Variants in ANKS1B observed in about 807,000 individuals in gnomAD.
The protein encoded by ANKS1B is ankyrin repeat and sterile alpha motif domain-containing protein 1B.
ANKS1B carries 36 observed loss-of-function variants against 148.3 expected under a neutral mutation model. The ratio of observed to expected loss-of-function variants is 0.24; its 90% CI spans 0.19 to 0.32. The LOEUF is 0.32. Among genes scored for constraint, ANKS1B ranks in the 10% least tolerant of loss-of-function variants. ANKS1B has a pLI of 1.00. For missense variants in ANKS1B, 1,157 were observed against 1,542.6 expected (o/e 0.75, Z 4.19); for synonymous variants, 542 against 560.8 (o/e 0.97, Z 0.47).
At chr12:99,191,726 G>A (rs2080732132) in intron 14 of ANKS1B, among the ~76,000 whole-genome samples, 1 of 152,136 alleles carries the variant, frequency 6.6e-6, no homozygotes, top group Non-Finnish European at 1.5e-5. Flanking sequence ...ATAGCATTAG[G>A]AGAAATACCT....
chr12:99,567,450 C>T (rs545598218), intron 9 of ANKS1B, among the ~76,000 whole-genome samples: 8 of 152,022 alleles, frequency 5.3e-5, no homozygotes, highest in African/African-American at 7.2e-5. Flanking sequence ...AAGAGCCCCC[C>T]GACACACACA....
intron 17 of ANKS1B, among the ~76,000 whole-genome samples, chr12:98,949,110 AC>A (rs1251170157): frequency 4.0e-5 from 6 of 151,084 alleles, no homozygotes; most frequent in African/African-American, 1.5e-4. Context: ...GTGCCAACAC[AC>A]CCAGCTAATT....
intron 12 of ANKS1B, among the ~76,000 whole-genome samples, chr12:99,368,229 G>A (rs2092891307): frequency 2.0e-5 from 3 of 152,106 alleles, no homozygotes; most frequent in Admixed American, 2.0e-4. Context: ...ACTACTAGAG[G>A]AGGAGGGTGG....
intron 12 of ANKS1B, among the ~76,000 whole-genome samples, chr12:99,336,455 C>T (rs141940118): frequency 3.3e-5 from 5 of 152,150 alleles, no homozygotes; most frequent in African/African-American, 1.2e-4. Context: ...GTTGAATGTC[C>T]TGGAGTGTTT....
chr12:98,755,269 G>C (rs2098207628), intron 25 of ANKS1B, among the ~76,000 whole-genome samples: 1 of 152,192 alleles, frequency 6.6e-6, no homozygotes, highest in Non-Finnish European at 1.5e-5. Flanking sequence ...CATGTACGAG[G>C]AGACTCTACC....
At chr12:99,977,769 T>C (rs915741603) in intron 1 of ANKS1B, among the ~76,000 whole-genome samples, 2 of 152,196 alleles carry the variant, frequency 1.3e-5, no homozygotes, top group Non-Finnish European at 1.5e-5. Flanking sequence ...TGTCCTCACA[T>C]GCATGAGAAA....
intron 11 of ANKS1B, among the ~76,000 whole-genome samples, chr12:99,432,017 G>A (rs1291853138): frequency 6.6e-6 from 1 of 152,154 alleles, no homozygotes; most frequent in Non-Finnish European, 1.5e-5. Context: ...CATGGGTATG[G>A]AGTAATTCCC....
chr12:99,294,717 G>C (rs1433714601), intron 12 of ANKS1B, among the ~76,000 whole-genome samples: 1 of 151,828 alleles, frequency 6.6e-6, no homozygotes, highest in African/African-American at 2.4e-5. Flanking sequence ...GCAATGGCGC[G>C]ATCTTGGCTC....
chr12:99,461,164 G>A (rs1309508095), intron 10 of ANKS1B, among the ~76,000 whole-genome samples: 1 of 151,886 alleles, frequency 6.6e-6, no homozygotes, highest in African/African-American at 2.4e-5. Context: ...TTATTCTAAG[G>A]GAAGTAACTC....
Position 99,330,400 on chromosome 12 carries a change from C to T in ANKS1B, c.1756+69231G>A, listed in dbSNP as rs150920353. Among the ~76,000 whole-genome samples, 6 of 151,904 alleles carry T rather than the reference C, an allele frequency of 3.9e-5. No individual in the cohort carries two copies. In the East Asian group the frequency reaches 1.2e-3, roughly 29 times the overall value. ...CCAGGAAATGCAGTTTAGATATGGCCCTGCCATCTTTCCAGAACTTGATTT... is the reference window on the plus strand; with the variant it reads ...CCAGGAAATGCAGTTTAGATATGGCTCTGCCATCTTTCCAGAACTTGATTT... On this transcript the variant is annotated intron_variant, in intron 12 of 26. Transcript: ENST00000683438.
At position 99,373,885 on chromosome 12, in the gene ANKS1B, T is replaced by G. The variant is rs578178844; in HGVS notation, c.1756+25746A>C. On this transcript the variant is annotated intron_variant, in intron 12 of 26. Coordinates refer to ENST00000683438, the MANE Select transcript of ANKS1B (RefSeq NM_001352186.2). ...GTAGAGAACTTTGCCTAAGAATGACTTAGAACTTTGGTCCACTTCAAGGAA... is the reference window on the plus strand; with the variant it reads ...GTAGAGAACTTTGCCTAAGAATGACGTAGAACTTTGGTCCACTTCAAGGAA... Among the ~76,000 whole-genome samples, 9 of 152,276 alleles carry G rather than the reference T, an allele frequency of 5.9e-5. No homozygotes were observed. In the East Asian group the frequency reaches 1.7e-3, roughly 29 times the overall value.
At chr12:99,199,694 T>C (rs1230334017) in intron 14 of ANKS1B, among the ~76,000 whole-genome samples, 1 of 152,124 alleles carries the variant, frequency 6.6e-6, no homozygotes, top group Non-Finnish European at 1.5e-5. Context: ...AAATATACCT[T>C]TTTGGGCCTC....
chr12:99,185,982 G>C (rs1181454775), intron 14 of ANKS1B, among the ~76,000 whole-genome samples: 1 of 152,176 alleles, frequency 6.6e-6, no homozygotes, highest in East Asian at 1.9e-4. Flanking sequence ...AGCAAGCTAA[G>C]ATCCACTGGC....
chr12:98,818,050 A>T (rs948238528), intron 19 of ANKS1B, among the ~76,000 whole-genome samples: 2 of 152,122 alleles, frequency 1.3e-5, no homozygotes, highest in Admixed American at 1.3e-4. Flanking sequence ...CACTGGCATG[A>T]TATAAATTCT....
intron 14 of ANKS1B, among the ~76,000 whole-genome samples, chr12:99,171,561 T>A (rs1226563099): frequency 6.6e-6 from 1 of 152,208 alleles, no homozygotes; most frequent in East Asian, 1.9e-4. Context: ...AGGCCTTGCA[T>A]TTTATTTCTA....
chr12:99,755,594 CAAA>C (rs369571107), intron 8 of ANKS1B, among the ~76,000 whole-genome samples: 51,667 of 123,280 alleles, frequency 0.42, 9,964 homozygotes, highest in East Asian at 0.57. Context: ...CAAAAATCCT[CAAA>C]AAAAAAAAAA....
chr12:99,679,663 G>A (rs1186242787), intron 8 of ANKS1B, among the ~76,000 whole-genome samples: 1 of 152,066 alleles, frequency 6.6e-6, no homozygotes, highest in African/African-American at 2.4e-5. Flanking sequence ...GAAGAGAAAA[G>A]CAGATATTTT....
chr12:99,342,978 T>G (rs2090152557), intron 12 of ANKS1B, among the ~76,000 whole-genome samples: 1 of 151,910 alleles, frequency 6.6e-6, no homozygotes, highest in Admixed American at 6.6e-5. Flanking sequence ...TAATATATTT[T>G]TAATCAAATA....
chr12:98,826,282 C>T (rs2099248082), intron 19 of ANKS1B, among the ~76,000 whole-genome samples: 1 of 152,120 alleles, frequency 6.6e-6, no homozygotes, highest in Admixed American at 6.5e-5. Flanking sequence ...CCCTGTATCC[C>T]AAGACAGGTA....
Sources: allele counts gnomAD v4.1 joint callset (sites outside exome capture counted in the v4.1 genomes callset), GRCh38; gene constraint gnomAD v4.1.1; transcripts MANE v1.5; gene names NCBI Gene and HGNC (gene_info 2026-07-23, HGNC 2026-07-21).